The following SEMA3E variants were observed in gnomAD, a reference collection of about 807,000 sequenced individuals.
The protein encoded by SEMA3E is semaphorin-3E.
SEMA3E carries 49 observed loss-of-function variants against 93.6 expected under a neutral mutation model. The ratio of observed to expected loss-of-function variants is 0.52; its 90% CI spans 0.42 to 0.66. SEMA3E has a LOEUF of 0.66. Ranked by LOEUF, SEMA3E falls within the 30% of genes least tolerant of loss-of-function variation. The pLI is 0.00. For missense variants in SEMA3E, 906 were observed against 964.8 expected, an observed-to-expected ratio of 0.94 and a Z score of 0.81; for synonymous variants, 363 against 330.7, an observed-to-expected ratio of 1.10 and a Z score of -1.06.
chr7:83,478,486 G>A (rs1365317315), intron 2 of SEMA3E, among the ~76,000 whole-genome samples: 1 of 151,944 alleles, frequency 6.6e-6, no homozygotes, highest in Non-Finnish European at 1.5e-5. Flanking sequence ...TATTTTTTAG[G>A]AAGTCTTAGT....
At chr7:83,371,244 A>G (rs1794745109) in intron 16 of SEMA3E, among the ~76,000 whole-genome samples, 1 of 152,242 alleles carries the variant, frequency 6.6e-6, no homozygotes, top group Non-Finnish European at 1.5e-5. Flanking sequence ...CAAAGATGGT[A>G]TAATATGTTA....
intron 1 of SEMA3E, among the ~76,000 whole-genome samples, chr7:83,508,767 T>C (rs1478701102): frequency 2.6e-5 from 4 of 152,182 alleles, no homozygotes; most frequent in Non-Finnish European, 5.9e-5. Context: ...ACATTTCTCT[T>C]AGTAAATAAA....
intron 1 of SEMA3E, among the ~76,000 whole-genome samples, chr7:83,647,644 C>A (rs1172684826): frequency 6.6e-6 from 1 of 152,102 alleles, no homozygotes; most frequent in African/African-American, 2.4e-5. Flanking sequence ...ATCTTTTAAT[C>A]ATTTATTTAT....
At chr7:83,463,024 G>T (rs1157497637) in intron 4 of SEMA3E, among the ~76,000 whole-genome samples, 1 of 144,544 alleles carries the variant, frequency 6.9e-6, no homozygotes, top group African/African-American at 2.5e-5. Flanking sequence ...CTGTACTGCC[G>T]CAAAGCTTCA....
intron 5 of SEMA3E, among the ~76,000 whole-genome samples, chr7:83,408,880 T>C (rs2115656681): frequency 6.6e-6 from 1 of 152,322 alleles, no homozygotes; most frequent in African/African-American, 2.4e-5. Flanking sequence ...CAGGGCTTTA[T>C]CATTATGATT....
At chr7:83,488,880 C>G (rs1160339939) in intron 2 of SEMA3E, among the ~76,000 whole-genome samples, 1 of 151,850 alleles carries the variant, frequency 6.6e-6, no homozygotes, top group Non-Finnish European at 1.5e-5. Context: ...TGTAGAGAGG[C>G]TGGCGAAAAA....
intron 1 of SEMA3E, among the ~76,000 whole-genome samples, chr7:83,514,360 G>A (rs1176752446): frequency 2.0e-5 from 3 of 151,860 alleles, no homozygotes; most frequent in Non-Finnish European, 2.9e-5. Flanking sequence ...TTTTTCTTGC[G>A]TGAGATCCAA....
At chr7:83,417,259 G>A (rs968524312) in intron 5 of SEMA3E, among the ~76,000 whole-genome samples, 1 of 151,874 alleles carries the variant, frequency 6.6e-6, no homozygotes, top group Non-Finnish European at 1.5e-5. Context: ...GTTTTAAAAA[G>A]CTTTACTTTT....
intron 1 of SEMA3E, among the ~76,000 whole-genome samples, chr7:83,515,911 C>A (rs1039048139): frequency 6.6e-6 from 1 of 152,104 alleles, no homozygotes; most frequent in Non-Finnish European, 1.5e-5. Flanking sequence ...CCTGTAGTCC[C>A]AGCTACTTGG....
intron 1 of SEMA3E, among the ~76,000 whole-genome samples, chr7:83,526,381 GA>G (rs955892069): frequency 6.6e-5 from 10 of 151,150 alleles, no homozygotes; most frequent in African/African-American, 1.2e-4. Context: ...CTACTTCAAA[GA>G]AAAAAAAATT....
At chr7:83,391,911 A>G (rs900356861) in intron 14 of SEMA3E, among the ~76,000 whole-genome samples, 11 of 152,020 alleles carry the variant, frequency 7.2e-5, no homozygotes, top group South Asian at 2.1e-4. Flanking sequence ...AAGAAATAAA[A>G]ATACTTTTTT....
At chr7:83,419,101 G>A (rs1362513694) in intron 4 of SEMA3E, among the ~76,000 whole-genome samples, 1 of 124,828 alleles carries the variant, frequency 8.0e-6, no homozygotes, top group Non-Finnish European at 1.8e-5. Flanking sequence ...CTTTATGTCT[G>A]CATGTACCTA....
At chr7:83,390,855 CT>C (rs1370487745) in intron 14 of SEMA3E, among the ~76,000 whole-genome samples, 2 of 152,144 alleles carry the variant, frequency 1.3e-5, no homozygotes, top group Non-Finnish European at 2.9e-5. Flanking sequence ...TCCACCACAT[CT>C]ACTGTATTAA....
chr7:83,394,713 T>C (rs957311520), intron 12 of SEMA3E, among the ~76,000 whole-genome samples: 1 of 152,208 alleles, frequency 6.6e-6, no homozygotes, highest in African/African-American at 2.4e-5. Flanking sequence ...CCATTGTGTC[T>C]TTCAATAGGT....
chr7:83,459,760 A>G (rs561445035), intron 4 of SEMA3E, among the ~76,000 whole-genome samples: 1 of 152,282 alleles, frequency 6.6e-6, no homozygotes, highest in Admixed American at 6.5e-5. Context: ...GAATCACAAA[A>G]GAAGTGAATA....
At chr7:83,420,044 A>G (rs956442310) in intron 4 of SEMA3E, among the ~76,000 whole-genome samples, 19 of 152,170 alleles carry the variant, frequency 1.2e-4, no homozygotes, top group Non-Finnish European at 2.4e-4. Flanking sequence ...AGAAAATTCT[A>G]AAGACTGCTG....
At chr7:83,535,056 G>C (rs1315686099) in intron 1 of SEMA3E, among the ~76,000 whole-genome samples, 1 of 152,172 alleles carries the variant, frequency 6.6e-6, no homozygotes, top group Non-Finnish European at 1.5e-5. Flanking sequence ...TTTGTTTCTT[G>C]TGCATTTCCA....
intron 1 of SEMA3E, among the ~76,000 whole-genome samples, chr7:83,633,946 C>T (rs1400830828): frequency 6.6e-6 from 1 of 152,116 alleles, no homozygotes; most frequent in African/African-American, 2.4e-5. Context: ...CCTTAACTGG[C>T]AAGAATTCTT....
At chr7:83,505,558 A>G (rs994983085) in intron 1 of SEMA3E, among the ~76,000 whole-genome samples, 3 of 152,188 alleles carry the variant, frequency 2.0e-5, no homozygotes, top group African/African-American at 7.2e-5. Context: ...GGTTTCTCTC[A>G]CTTCATAAAC....
Sources: gnomAD v4.1 joint callset for allele counts (sites outside exome capture counted in the v4.1 genomes callset) on GRCh38, gnomAD v4.1.1 for gene constraint, MANE v1.5 for transcripts, NCBI Gene and HGNC (gene_info 2026-07-23, HGNC 2026-07-21) for gene names.